Variants in PPIP5K2 observed in about 807,000 individuals in gnomAD.
PPIP5K2 encodes the protein diphosphoinositol pentakisphosphate kinase 2, also known as inositol hexakisphosphate and diphosphoinositol-pentakisphosphate kinase 2.
A neutral mutation model predicts 154.6 loss-of-function variants in PPIP5K2; 105 were observed. The ratio of observed to expected loss-of-function variants is 0.68; its 90% CI spans 0.58 to 0.80. The LOEUF is 0.80. Ranked by LOEUF, PPIP5K2 falls within the 30% of genes least tolerant of loss-of-function variation. The probability of loss-of-function intolerance (pLI) is 0.00; values close to 1 mark genes in which losing one functional copy is unlikely to be tolerated. For missense variants in PPIP5K2, 992 were observed against 1,504.6 expected (o/e 0.66, Z 5.64); for synonymous variants, 480 against 490.3 (o/e 0.98, Z 0.28).
intron 1 of PPIP5K2, among the ~76,000 whole-genome samples, chr5:103,124,295 T>A (rs926455035): frequency 1.5e-5 from 2 of 133,118 alleles, no homozygotes; most frequent in Admixed American, 7.4e-5. Flanking sequence ...AAAAAAAAAA[T>A]CTCCTCTTGT....
chr5:103,176,487 A>G (rs1240264509), intron 21 of PPIP5K2, among the ~76,000 whole-genome samples: 1 of 152,000 alleles, frequency 6.6e-6, no homozygotes, highest in African/African-American at 2.4e-5. Flanking sequence ...GCACACACAC[A>G]CACGGAATGT....
rs1399845973 is a variant in PPIP5K2 at position 103,207,144 on chromosome 5, C to T, written c.*5510C>T. The T allele has an allele frequency of 6.6e-6, 1 of 152,220 alleles. No homozygotes were observed. The highest frequency in any genetic ancestry group is 2.4e-5 in the African/African-American group (1 of 41,444). The allele number at this position is 152,220 out of a possible 1,614,324, so 9.4% of individuals were successfully genotyped here. On this transcript the variant is annotated 3_prime_UTR_variant, in exon 31 of 31. Transcript: ENST00000358359. ...CTCCAGAGACTGGCTGTGTTTAAATCTCATGTGGGAAGGGCACCTTTCCCC... is the reference window on the plus strand; with the variant it reads ...CTCCAGAGACTGGCTGTGTTTAAATTTCATGTGGGAAGGGCACCTTTCCCC...
At chr5:103,190,155 G>T (rs1580443198) in intron 28 of PPIP5K2, among the ~76,000 whole-genome samples, 1 of 151,840 alleles carries the variant, frequency 6.6e-6, no homozygotes, top group South Asian at 2.1e-4. Flanking sequence ...TTGCATGATT[G>T]TTTCATAAAA....
Position 103,126,528 on chromosome 5 carries a change from A to G in PPIP5K2, c.-284-2778A>G, listed in dbSNP as rs573325493. 2.1e-4 allele frequency among the ~76,000 whole-genome samples: 32 copies of G among 152,314 alleles called. No individual in the cohort carries two copies. In the South Asian group the frequency reaches 5.4e-3, roughly 26 times the overall value. On this transcript the variant is annotated intron_variant, in intron 1 of 30. Transcript: ENST00000358359. ...TCTCTAGAGGGACAGAACTAATAGG[A>G]TAGATATAGCTACAAATGGGAGTTT... is the stretch of plus-strand genomic sequence containing the variant.
At chr5:103,145,830 A>G (rs1232220569) in intron 5 of PPIP5K2, among the ~76,000 whole-genome samples, 1 of 152,076 alleles carries the variant, frequency 6.6e-6, no homozygotes, top group African/African-American at 2.4e-5. Flanking sequence ...TAGGGTGACT[A>G]TAGTTTACAA....
intron 14 of PPIP5K2, among the ~76,000 whole-genome samples, chr5:103,157,108 A>G (rs1214439073): frequency 6.6e-6 from 1 of 152,150 alleles, no homozygotes; most frequent in Non-Finnish European, 1.5e-5. Flanking sequence ...CAGAACCGCT[A>G]ACTTGCTGCA....
In PPIP5K2 at chr5:103,210,476, A is replaced by T. The variant is rs1803745223; in HGVS notation, c.*8842A>T. Reference sequence around the variant, plus strand: ...AGAGCAAAGTTGTCTGCTCTAATGGATAGAATAAGGAGCTGGGAGAAAGGA... The same window carrying T: ...AGAGCAAAGTTGTCTGCTCTAATGGTTAGAATAAGGAGCTGGGAGAAAGGA... On this transcript the variant is annotated 3_prime_UTR_variant, in exon 31 of 31. Transcript: ENST00000358359. 1 of 152,090 alleles carries T rather than the reference A, an allele frequency of 6.6e-6. No homozygotes were observed. 9.4% of individuals were successfully genotyped at this position (152,090 alleles called of 1,614,324 possible).
chr5:103,132,338 G>A (rs917217804), intron 2 of PPIP5K2, among the ~76,000 whole-genome samples: 2 of 152,034 alleles, frequency 1.3e-5, no homozygotes, highest in South Asian at 2.1e-4. Context: ...TCAGGAGATC[G>A]AGACCATCCT....
rs545517740 is a variant in PPIP5K2 at position 103,148,104 on chromosome 5, C to A, written c.744+72C>A. The A allele has an allele frequency of 6.8e-5, 72 of 1,061,628 alleles. No individual in the cohort carries two copies. The African/African-American group carries it at 1.1e-3, about 16-fold the overall frequency. The allele number at this position is 1,061,628 out of a possible 1,614,324, so 65.8% of individuals were successfully genotyped here. On this transcript the variant is annotated intron_variant, in intron 7 of 30. Coordinates refer to ENST00000358359, the MANE Select transcript of PPIP5K2 (RefSeq NM_001276277.3). ...AATGATATCAGAAAAAGTAGTTAAT[C>A]TTTAGCTATATCTAACCTTTATTCT... is the stretch of plus-strand genomic sequence containing the variant.
At chr5:103,151,547 A>G (rs1794651080) in intron 9 of PPIP5K2, among the ~76,000 whole-genome samples, 173 bp downstream of exon 9, 1 of 151,390 alleles carries the variant, frequency 6.6e-6, no homozygotes, top group Admixed American at 6.5e-5. Flanking sequence ...TGGCTTATCA[A>G]AGACAGATTA....
At chr5:103,126,608 GCAAGCTGA>G (rs1789722156) in intron 1 of PPIP5K2, among the ~76,000 whole-genome samples, 1 of 152,152 alleles carries the variant, frequency 6.6e-6, no homozygotes, top group Non-Finnish European at 1.5e-5. Context: ...TAGGCCATGT[GCAAGCTGA>G]GGAGCATGGA....
At chr5:103,196,548 A>G (rs536021347) in intron 30 of PPIP5K2, among the ~76,000 whole-genome samples, 6 of 152,278 alleles carry the variant, frequency 3.9e-5, no homozygotes, top group South Asian at 2.1e-4. Flanking sequence ...TTAGAGGTCA[A>G]TACCATTCTT....
intron 29 of PPIP5K2, among the ~76,000 whole-genome samples, chr5:103,191,770 T>C (rs1471561464): frequency 6.6e-6 from 1 of 152,084 alleles, no homozygotes; most frequent in Non-Finnish European, 1.5e-5. Flanking sequence ...TTCAGCTCTA[T>C]AGGATTCCTC....
At chr5:103,173,659 G>A (rs1323554988) in intron 20 of PPIP5K2, among the ~76,000 whole-genome samples, 199 bp from the exon 21 acceptor site, 1 of 151,880 alleles carries the variant, frequency 6.6e-6, no homozygotes, top group East Asian at 1.9e-4. Flanking sequence ...TACTCTCAGA[G>A]GTCCTAGTTA....
chr5:103,154,520 A>G, intron 11 of PPIP5K2, 150 bp from the exon 12 acceptor site: 1 of 533,820 alleles, frequency 1.9e-6, no homozygotes, highest in Non-Finnish European at 3.3e-6. Flanking sequence ...GAGCAGCAAC[A>G]TGTACAGTGA....
intron 30 of PPIP5K2, among the ~76,000 whole-genome samples, chr5:103,199,734 C>T (rs1322834664): frequency 6.6e-6 from 1 of 151,682 alleles, no homozygotes; most frequent in Non-Finnish European, 1.5e-5. Context: ...GTTGTTAAAC[C>T]CATCTAGTTT....
intron 30 of PPIP5K2, among the ~76,000 whole-genome samples, chr5:103,200,861 C>T (rs1802869617): frequency 2.6e-5 from 4 of 152,032 alleles, no homozygotes; most frequent in Admixed American, 2.6e-4. Flanking sequence ...TCGTCTTGAA[C>T]TTCTGGGCTC....
rs782248749 is a variant in PPIP5K2 at position 103,159,298 on chromosome 5, CAG to C, written c.1894_1895del (p.Asp632PhefsTer4). The C allele has an allele frequency of 6.8e-6, 11 of 1,610,780 alleles. No homozygotes were observed. The highest frequency in any genetic ancestry group is 3.3e-5 in the South Asian group (3 of 90,332). On this transcript the variant is annotated frameshift_variant, in exon 17 of 31. Transcript: ENST00000358359. LOFTEE classifies it high-confidence loss of function. ...ARLHEILQKD[R>X]DFTAEDYEKL... ...GGCTTCATGAAATACTTCAGAAAGA[CAG>C]AGATTTTACTGCTGAAGATTATGAA...
chr5:103,193,509 G>C (rs1801588750), intron 29 of PPIP5K2, among the ~76,000 whole-genome samples: 1 of 151,790 alleles, frequency 6.6e-6, no homozygotes, highest in Non-Finnish European at 1.5e-5. Flanking sequence ...GACAATATCA[G>C]ATTGGAGAAA....
Sources: allele counts gnomAD v4.1 joint callset (sites outside exome capture counted in the v4.1 genomes callset), GRCh38; gene constraint gnomAD v4.1.1; transcripts MANE v1.5; gene names NCBI Gene and HGNC (gene_info 2026-07-23, HGNC 2026-07-21).